MSRA: variants seen among roughly 807,000 people sequenced by gnomAD.
The protein encoded by MSRA is methionine sulfoxide reductase A, also known as mitochondrial peptide methionine sulfoxide reductase.
MSRA carries 54 observed loss-of-function variants against 31.3 expected under a neutral mutation model. That is an observed-to-expected ratio of 1.73 (90% CI 1.39 to 2.17). MSRA has a LOEUF of 2.17. Among genes scored for constraint, MSRA ranks in the 30% most tolerant of loss-of-function variants. The pLI is 0.00. For missense variants in MSRA, 507 were observed against 300.9 expected (o/e 1.69, Z -5.07); for synonymous variants, 169 against 116.5 (o/e 1.45, Z -2.90).
At chr8:10,225,739 A>G (rs1309604993) in intron 2 of MSRA, among the ~76,000 whole-genome samples, 1 of 152,002 alleles carries the variant, frequency 6.6e-6, no homozygotes, top group East Asian at 1.9e-4. Flanking sequence ...TTTTCTGGGT[A>G]CTCGTTGGAT....
chr8:10,372,099 G>A (rs1040655545), intron 5 of MSRA, among the ~76,000 whole-genome samples: 5 of 152,206 alleles, frequency 3.3e-5, no homozygotes, highest in African/African-American at 1.2e-4. Flanking sequence ...TGGGATGATA[G>A]AGCAGTGTTG....
chr8:10,166,495 ATGTGTGTATGTGCATT>A (rs1216002739), intron 1 of MSRA, among the ~76,000 whole-genome samples: 8 of 151,852 alleles, frequency 5.3e-5, no homozygotes, highest in Non-Finnish European at 1.0e-4. Context: ...GTGCATGCAT[ATGTGTGTATGTGCATT>A]TGTGTGTGTG....
chr8:10,374,877 G>A (rs558695137), intron 5 of MSRA, among the ~76,000 whole-genome samples: 4 of 152,232 alleles, frequency 2.6e-5, no homozygotes, highest in African/African-American at 7.2e-5. Context: ...CTGTCCTCAC[G>A]GTAATAAGGG....
At chr8:10,218,181 C>G (rs962156232) in intron 2 of MSRA, among the ~76,000 whole-genome samples, 3 of 151,332 alleles carry the variant, frequency 2.0e-5, no homozygotes, top group Admixed American at 6.6e-5. Flanking sequence ...GAGTCTCACT[C>G]TGTTGCCGAG....
intron 1 of MSRA, among the ~76,000 whole-genome samples, chr8:10,087,657 G>A (rs1798636015): frequency 6.6e-6 from 1 of 152,114 alleles, no homozygotes; most frequent in African/African-American, 2.4e-5. Context: ...TGGGAGAGTG[G>A]TTGCCTGTCT....
chr8:10,183,673 T>C (rs1806748865), intron 1 of MSRA, among the ~76,000 whole-genome samples: 1 of 152,162 alleles, frequency 6.6e-6, no homozygotes, highest in African/African-American at 2.4e-5. Flanking sequence ...TCAATCTTTT[T>C]TCCCACTCTA....
At chr8:10,307,795 T>A (rs766270719) in intron 4 of MSRA, among the ~76,000 whole-genome samples, 7 of 152,146 alleles carry the variant, frequency 4.6e-5, no homozygotes, top group Non-Finnish European at 8.8e-5. Context: ...TGGCTGAGAG[T>A]GCTGGTTAAC....
At position 10,058,083 on chromosome 8, in the gene MSRA, C is replaced by A. The variant is rs868111926; in HGVS notation, c.142+3425C>A. On this transcript the variant is annotated intron_variant, in intron 1 of 5. Transcript: ENST00000317173. Reference sequence around the variant, plus strand: ...ACAAGTTTGATTCTATCTTGGCTTTCTTGCGTTTACATTCTTAGTGTTCAT... The same window carrying A: ...ACAAGTTTGATTCTATCTTGGCTTTATTGCGTTTACATTCTTAGTGTTCAT... Among the ~76,000 whole-genome samples the A allele has an allele frequency of 6.6e-5, 10 of 152,244 alleles. No individual in the cohort carries two copies. In the South Asian group the frequency reaches 1.2e-3, roughly 19 times the overall value.
intron 4 of MSRA, among the ~76,000 whole-genome samples, chr8:10,318,027 G>A (rs978022369): frequency 6.6e-6 from 1 of 152,150 alleles, no homozygotes; most frequent in Non-Finnish European, 1.5e-5. Context: ...AACGTTCCAA[G>A]CTTGTTCTTA....
At chr8:10,064,434 G>C (rs1159543379) in intron 1 of MSRA, among the ~76,000 whole-genome samples, 2 of 151,932 alleles carry the variant, frequency 1.3e-5, no homozygotes, top group African/African-American at 4.8e-5. Flanking sequence ...TGCATCTGTA[G>C]TGTTTCTCAG....
At chr8:10,308,659 C>G (rs892873150) in intron 4 of MSRA, among the ~76,000 whole-genome samples, 1 of 152,228 alleles carries the variant, frequency 6.6e-6, no homozygotes, top group Admixed American at 6.5e-5. Flanking sequence ...GCTCATACCA[C>G]AGTTCTCCCC....
chr8:10,388,352 A>G (rs1806522687), intron 5 of MSRA, among the ~76,000 whole-genome samples: 1 of 152,134 alleles, frequency 6.6e-6, no homozygotes. Context: ...TGGTACAGAG[A>G]GGGAGATGCT....
At chr8:10,120,557 C>T (rs1801034378) in intron 1 of MSRA, among the ~76,000 whole-genome samples, 1 of 152,200 alleles carries the variant, frequency 6.6e-6, no homozygotes, top group Non-Finnish European at 1.5e-5. Flanking sequence ...CACGTCAATT[C>T]AGTTCAGTTC....
intron 1 of MSRA, among the ~76,000 whole-genome samples, chr8:10,135,308 G>A (rs1014253911): frequency 4.6e-5 from 7 of 152,176 alleles, no homozygotes; most frequent in African/African-American, 7.2e-5. Flanking sequence ...TGTTTTTGCC[G>A]TTGAAACCTA....
chr8:10,191,990 G>A (rs1320152712), intron 1 of MSRA, among the ~76,000 whole-genome samples: 1 of 152,136 alleles, frequency 6.6e-6, no homozygotes, highest in Non-Finnish European at 1.5e-5. Context: ...TGCAGTCAAG[G>A]TGTCAGCTGC....
At chr8:10,271,150 CA>C (rs1300684506) in intron 3 of MSRA, among the ~76,000 whole-genome samples, 1 of 150,382 alleles carries the variant, frequency 6.6e-6, no homozygotes, top group East Asian at 2.0e-4. Context: ...AGTAAACAAA[CA>C]GCTTTTTAAA....
chr8:10,425,171 G>A (rs1363388178), intron 5 of MSRA, among the ~76,000 whole-genome samples: 1 of 152,158 alleles, frequency 6.6e-6, no homozygotes, highest in Non-Finnish European at 1.5e-5. Flanking sequence ...TGCTGGGAAG[G>A]ACAACCGAAG....
At chr8:10,386,933 T>C (rs1806432039) in intron 5 of MSRA, among the ~76,000 whole-genome samples, 1 of 147,866 alleles carries the variant, frequency 6.8e-6, no homozygotes, top group Admixed American at 6.7e-5. Flanking sequence ...CCCAAAGGCA[T>C]GGGATCGGCT....
At chr8:10,355,123 G>T (rs1298968265) in intron 5 of MSRA, among the ~76,000 whole-genome samples, 1 of 152,170 alleles carries the variant, frequency 6.6e-6, no homozygotes, top group Non-Finnish European at 1.5e-5. Context: ...GTCAGGGCCG[G>T]GTTCCGTGCA....
Sources: gnomAD v4.1 joint callset for allele counts (sites outside exome capture counted in the v4.1 genomes callset) on GRCh38, gnomAD v4.1.1 for gene constraint, MANE v1.5 for transcripts, NCBI Gene and HGNC (gene_info 2026-07-23, HGNC 2026-07-21) for gene names.